The following BAZ1B variants were observed in gnomAD, a reference collection of about 807,000 sequenced individuals.
The protein encoded by BAZ1B is bromodomain adjacent to zinc finger domain 1B, also known as tyrosine-protein kinase BAZ1B.
BAZ1B carries 22 observed loss-of-function variants against 153.8 expected under a neutral mutation model. The ratio of observed to expected loss-of-function variants is 0.14; its 90% CI spans 0.10 to 0.20. The LOEUF (loss-of-function observed/expected upper bound fraction) is 0.20. BAZ1B is among the 10% of genes least tolerant of loss of function. The pLI is 1.00. For synonymous variants in BAZ1B, 676 were observed against 633.4 expected, an observed-to-expected ratio of 1.07 and a Z score of -1.01; for missense variants, 1,325 against 1,799.3, an observed-to-expected ratio of 0.74 and a Z score of 4.77.
rs1791070552 is a variant in BAZ1B at position 73,521,918 on chromosome 7, C to G, written c.16G>C (p.Gly6Arg). Residue 6 changes from glycine (G) to arginine (R), a missense_variant, in exon 1 of 20, where the codon GGC (glycine) becomes CGC (arginine). Physicochemically the swap from Gly to Arg is moderately radical, Grantham distance 125. Around this residue, in one of 9 missense-constraint regions of BAZ1B, gnomAD observed 61 missense variants for 61.5 expected, o/e 0.99. Coordinates refer to ENST00000339594, the MANE Select transcript of BAZ1B (RefSeq NM_032408.4). ...TTCACCAGCGGGAAGGGCTTGCGGC[C>G]CAGGAGCGGCGCCATCGCGGCGGCG... The part of the protein sequence containing the change: MAPLL[G>R]RKPFPLVKPL... 1 of 1,473,210 alleles carries G rather than the reference C, an allele frequency of 6.8e-7. No individual in the cohort carries two copies. Among genetic ancestry groups the G allele is most frequent in the Non-Finnish European group, 9.0e-7 (1 of 1,105,846 alleles). The allele number at this position is 1,473,210 out of a possible 1,614,324, so 91.3% of individuals were successfully genotyped here.
chr7:73,470,271 C>T, intron 8 of BAZ1B, 74 bp downstream of exon 8: 1 of 1,449,222 alleles, frequency 6.9e-7, no homozygotes, highest in Non-Finnish European at 9.3e-7. Context: ...TATTCTTGTA[C>T]TTTAGAAAAT....
At chr7:73,507,636 A>C (rs1790397408) in intron 3 of BAZ1B, among the ~76,000 whole-genome samples, 2 of 152,242 alleles carry the variant, frequency 1.3e-5, no homozygotes, top group African/African-American at 4.8e-5. Flanking sequence ...GACAAAGGAC[A>C]GACCAGTACA....
chr7:73,484,164 G>C (rs1489891637), intron 6 of BAZ1B, among the ~76,000 whole-genome samples: 1 of 152,154 alleles, frequency 6.6e-6, no homozygotes, highest in Non-Finnish European at 1.5e-5. Context: ...TACTCGGGAG[G>C]CTGAGGCAGG....
In BAZ1B at chr7:73,477,512, T is replaced by C. The variant is rs1789040619; in HGVS notation, c.1949A>G (p.Tyr650Cys). ...GAGGATGACCAACACCCTGTTAAGG[T>C]ATAAAAAGCCACCCTTATCTGCACT... ...ALSADKGGFL[Y>C]LNRVLVILLQ... Residue 650 changes from tyrosine to cysteine, a missense_variant, in exon 7 of 20, where the codon TAC (tyrosine) becomes TGC (cysteine). Transcript: ENST00000339594. This position sits in a 1 kb window ranked among gnomAD's most constrained non-coding sequence, Gnocchi z 5.6. The C allele has an allele frequency of 1.2e-6, 2 of 1,614,008 alleles. No homozygotes were observed. The highest frequency in any genetic ancestry group is 1.7e-6 in the Non-Finnish European group (2 of 1,180,014).
At chr7:73,470,539 C>T (rs1788762442) in intron 7 of BAZ1B, 56 bp from the exon 8 acceptor site, 3 of 1,582,004 alleles carry the variant, frequency 1.9e-6, no homozygotes, top group East Asian at 2.2e-5. Flanking sequence ...CCCACTCTTA[C>T]AAATTAAATA....
chr7:73,515,415 T>C (rs1364203837), intron 1 of BAZ1B, among the ~76,000 whole-genome samples: 1 of 152,150 alleles, frequency 6.6e-6, no homozygotes, highest in Non-Finnish European at 1.5e-5. Flanking sequence ...ATGTAATATA[T>C]GTCACTTCCC....
At chr7:73,487,361 T>C (rs1789451172) in intron 6 of BAZ1B, among the ~76,000 whole-genome samples, 1 of 152,090 alleles carries the variant, frequency 6.6e-6, no homozygotes, top group African/African-American at 2.4e-5. Flanking sequence ...CCCAGAAATT[T>C]CAGGCTGCAG....
intron 5 of BAZ1B, among the ~76,000 whole-genome samples, chr7:73,490,402 AT>A (rs1789588853): frequency 6.6e-6 from 1 of 152,080 alleles, no homozygotes; most frequent in African/African-American, 2.4e-5. Context: ...ATACAAAAAA[AT>A]TTTTTTTAAA....
intron 13 of BAZ1B, among the ~76,000 whole-genome samples, chr7:73,457,402 T>C (rs1212567168): frequency 2.6e-5 from 4 of 152,036 alleles, no homozygotes; most frequent in African/African-American, 7.3e-5. Flanking sequence ...GGTCTCAAAC[T>C]CCTGACCTCA....
chr7:73,452,462 A>G (rs799212), intron 13 of BAZ1B, among the ~76,000 whole-genome samples: 1,913 of 152,174 alleles, frequency 0.013, 43 homozygotes, highest in African/African-American at 0.044. Context: ...GGTGGCTCAC[A>G]CCTATAATCC....
intron 1 of BAZ1B, among the ~76,000 whole-genome samples, chr7:73,521,322 T>C (rs1197479982): frequency 6.6e-6 from 1 of 152,118 alleles, no homozygotes; most frequent in Non-Finnish European, 1.5e-5. Flanking sequence ...AAACGCCAAG[T>C]ATCCCCGCAG....
rs1258572345 is a variant in BAZ1B, at chr7:73,440,996, C to T, written c.*713G>A. 4 of 152,634 alleles carry T rather than the reference C, an allele frequency of 2.6e-5. No homozygotes were observed. In the East Asian group the frequency reaches 7.7e-4, roughly 29 times the overall value. 9.5% of individuals were successfully genotyped at this position (152,634 alleles called of 1,614,324 possible). A position where few individuals can be genotyped will look rare whatever the true frequency, so the allele number is the denominator to read the frequency against. ...GGGCTCTCAGAGCTTCTCTGCCGCT[C>T]TCTCCTCCCACCCCCCACCGACACT... is the stretch of plus-strand genomic sequence containing the variant. On this transcript the variant is annotated 3_prime_UTR_variant, in exon 20 of 20. Transcript: ENST00000339594.
intron 1 of BAZ1B, among the ~76,000 whole-genome samples, chr7:73,521,415 G>C (rs188988822): frequency 1.3e-5 from 2 of 152,148 alleles, no homozygotes; most frequent in Admixed American, 6.5e-5. Context: ...TAAGCTGCAG[G>C]TTTCATTTAA....
intron 3 of BAZ1B, among the ~76,000 whole-genome samples, chr7:73,504,487 C>T (rs1321186630): frequency 6.6e-6 from 1 of 152,052 alleles, no homozygotes; most frequent in Non-Finnish European, 1.5e-5. Context: ...TACGGTGAAA[C>T]CCCGTCCCTA....
intron 11 of BAZ1B, 98 bp downstream of exon 11, chr7:73,465,341 C>T: frequency 2.7e-6 from 2 of 751,326 alleles, no homozygotes; most frequent in Non-Finnish European, 4.1e-6. Context: ...AAATATTTTA[C>T]TTTAGTAACT....
intron 8 of BAZ1B, among the ~76,000 whole-genome samples, chr7:73,470,129 C>T (rs367972011): frequency 6.6e-6 from 1 of 152,182 alleles, no homozygotes; most frequent in East Asian, 1.9e-4. Context: ...AAGCTTCCTA[C>T]TTGTGGTATA....
chr7:73,508,016 C>A (rs1416977427), intron 3 of BAZ1B, among the ~76,000 whole-genome samples: 1 of 149,778 alleles, frequency 6.7e-6, no homozygotes, highest in Non-Finnish European at 1.5e-5. Context: ...ACTAGCCGGG[C>A]GTGGTGGTGC....
chr7:73,489,051 G>C (rs977064556), intron 6 of BAZ1B, 143 bp downstream of exon 6: 1 of 754,598 alleles, frequency 1.3e-6, no homozygotes. Flanking sequence ...ATAACAACCT[G>C]TATGTAACAG....
intron 11 of BAZ1B, 141 bp from the exon 12 acceptor site, chr7:73,463,240 T>G: frequency 1.8e-5 from 2 of 110,840 alleles, no homozygotes; most frequent in Non-Finnish European, 1.7e-5. Flanking sequence ...TTCTTTTTTC[T>G]TTTTTTTTTT....
Sources: gnomAD v4.1 joint callset for allele counts (sites outside exome capture counted in the v4.1 genomes callset) on GRCh38, gnomAD v4.1.1 for gene constraint, gnomAD v4.1.1 regional missense constraint, Gnocchi (gnomAD v3.1) non-coding constraint, MANE v1.5 for transcripts, NCBI Gene and HGNC (gene_info 2026-07-23, HGNC 2026-07-21) for gene names.